AUTS2: variants seen among roughly 807,000 people sequenced by gnomAD.
AUTS2 encodes autism susceptibility gene 2 protein.
In AUTS2, 17 loss-of-function variants were observed where a neutral mutation model predicts 112.4. That is an observed-to-expected ratio of 0.15 (90% CI 0.10 to 0.23). The LOEUF is 0.23. Among genes scored for constraint, AUTS2 ranks in the 10% least tolerant of loss-of-function variants. The pLI, the probability that AUTS2 is intolerant of heterozygous loss-of-function variation, is 1.00. For synonymous variants in AUTS2, 751 were observed against 702.7 expected (o/e 1.07, Z -1.09); for missense variants, 1,510 against 1,701.6 (o/e 0.89, Z 1.98).
intron 3 of AUTS2, among the ~76,000 whole-genome samples, chr7:70,128,069 A>G (rs1380713922): frequency 2.0e-5 from 3 of 152,042 alleles, no homozygotes; most frequent in Non-Finnish European, 4.4e-5. Flanking sequence ...TTATAATTAG[A>G]TTAGGAAATC....
At chr7:69,947,658 A>G (rs534388631) in intron 2 of AUTS2, among the ~76,000 whole-genome samples, 2 of 152,322 alleles carry the variant, frequency 1.3e-5, no homozygotes, top group East Asian at 3.9e-4. Flanking sequence ...CCATGAAACA[A>G]GTTAAAATCA....
At chr7:70,619,598 A>C (rs1018107553) in intron 5 of AUTS2, among the ~76,000 whole-genome samples, 1 of 151,314 alleles carries the variant, frequency 6.6e-6, no homozygotes, top group South Asian at 2.1e-4. Flanking sequence ...GAGAAAATAT[A>C]TTGTATATTT....
At chr7:70,058,312 T>C (rs1802084886) in intron 2 of AUTS2, among the ~76,000 whole-genome samples, 1 of 152,226 alleles carries the variant, frequency 6.6e-6, no homozygotes, top group South Asian at 2.1e-4. Context: ...GTCTGGAGTT[T>C]TGGAAACAAT....
intron 5 of AUTS2, among the ~76,000 whole-genome samples, chr7:70,504,569 G>A (rs190845915): frequency 2.0e-4 from 30 of 152,276 alleles, no homozygotes; most frequent in Admixed American, 9.8e-4. Context: ...GACCGGCACC[G>A]AGGAGCAGTA....
intron 1 of AUTS2, among the ~76,000 whole-genome samples, chr7:69,787,022 T>A (rs1427973929): frequency 6.6e-6 from 1 of 152,222 alleles, no homozygotes; most frequent in Non-Finnish European, 1.5e-5. Context: ...ACTGAAACTC[T>A]GAGGTTAAGG....
intron 4 of AUTS2, among the ~76,000 whole-genome samples, chr7:70,225,750 A>G (rs953325182): frequency 9.2e-5 from 14 of 152,212 alleles, no homozygotes; most frequent in African/African-American, 2.7e-4. Context: ...ATTATTTTAC[A>G]AAAAAAGATT....
chr7:69,625,311 G>C (rs756197895), intron 1 of AUTS2, among the ~76,000 whole-genome samples: 3 of 152,194 alleles, frequency 2.0e-5, no homozygotes, highest in Non-Finnish European at 2.9e-5. Context: ...GTGAAACTTG[G>C]TCCCTTGCGT....
chr7:70,430,329 C>T (rs1795603428), intron 4 of AUTS2, among the ~76,000 whole-genome samples: 1 of 152,190 alleles, frequency 6.6e-6, no homozygotes, highest in Non-Finnish European at 1.5e-5. Context: ...GTTCGCTGCA[C>T]TTCAACAGGG....
intron 4 of AUTS2, among the ~76,000 whole-genome samples, chr7:70,365,582 TGCA>T (rs1792533005): frequency 1.3e-5 from 2 of 152,244 alleles, no homozygotes; most frequent in Admixed American, 1.3e-4. Flanking sequence ...CTCTTAATAA[TGCA>T]GTGTGTACTT....
chr7:69,906,461 C>T (rs1795152258), intron 2 of AUTS2, among the ~76,000 whole-genome samples: 1 of 152,136 alleles, frequency 6.6e-6, no homozygotes. Flanking sequence ...TTGTGATAGC[C>T]ACATGCTGCG....
Position 70,531,571 on chromosome 7 carries a change from G to A in AUTS2, c.690+95790G>A, listed in dbSNP as rs564670118. 5.0e-3 allele frequency among the ~76,000 whole-genome samples: 762 copies of A among 152,202 alleles called. 2 individuals are homozygous for A. The highest frequency in any genetic ancestry group is 9.1e-3 in the Non-Finnish European group (622 of 68,006). ...GCAGGCATGTCATATGGTGAGAGAC[G>A]GAGCAAAAGAAAGGGCTTGGGGGTG... On this transcript the variant is annotated intron_variant, in intron 5 of 18. Coordinates refer to ENST00000342771, the MANE Select transcript of AUTS2 (RefSeq NM_015570.4).
At chr7:70,698,528 A>C (rs750865541) in intron 5 of AUTS2, 41 bp from the exon 6 acceptor site, 15 of 1,528,538 alleles carry the variant, frequency 9.8e-6, no homozygotes, top group Non-Finnish European at 1.8e-6. Flanking sequence ...GACAATATTA[A>C]TGACAATAAT....
At chr7:69,714,520 T>C (rs938838546) in intron 1 of AUTS2, among the ~76,000 whole-genome samples, 1 of 152,156 alleles carries the variant, frequency 6.6e-6, no homozygotes, top group Admixed American at 6.5e-5. Flanking sequence ...TGTCTATATA[T>C]GTGTGATCTA....
intron 1 of AUTS2, among the ~76,000 whole-genome samples, chr7:69,760,007 G>A (rs931980914): frequency 1.3e-5 from 2 of 151,448 alleles, no homozygotes; most frequent in African/African-American, 4.9e-5. Flanking sequence ...TATTTAGATA[G>A]TAAACTGAAA....
chr7:70,133,935 C>T (rs1584771861), intron 3 of AUTS2, among the ~76,000 whole-genome samples: 1 of 152,142 alleles, frequency 6.6e-6, no homozygotes, highest in African/African-American at 2.4e-5. Flanking sequence ...CTTTTCACTG[C>T]TCCTCTTGGC....
chr7:70,353,059 C>T (rs554677377), intron 4 of AUTS2, among the ~76,000 whole-genome samples: 19 of 152,270 alleles, frequency 1.2e-4, no homozygotes, highest in African/African-American at 4.6e-4. Context: ...AACACTTGTC[C>T]CTGAGTCTGT....
chr7:70,691,201 T>C (rs1808735544), intron 5 of AUTS2, among the ~76,000 whole-genome samples: 1 of 152,162 alleles, frequency 6.6e-6, no homozygotes, highest in African/African-American at 2.4e-5. Context: ...AGAGTGGAAA[T>C]TGAGTCCACA....
chr7:69,892,168 G>A (rs562795138), intron 1 of AUTS2, among the ~76,000 whole-genome samples: 2 of 129,604 alleles, frequency 1.5e-5, no homozygotes, highest in African/African-American at 6.0e-5. Context: ...TTAGTTTTGA[G>A]AATTTTTTTT....
At position 70,637,487 on chromosome 7, in the gene AUTS2, TAAG is replaced by T. The variant is rs199742372; in HGVS notation, c.691-61078_691-61076del. On this transcript the variant is annotated intron_variant, in intron 5 of 18. Transcript: ENST00000342771. ...ATAAGTGCTTATTAGATTTGTGAAT[TAAG>T]AAGTTTTAAAATAGCATTCACTGCA... 7.5e-3 allele frequency among the ~76,000 whole-genome samples: 1,138 copies of T among 152,326 alleles called. 18 individuals are homozygous for T. The highest frequency in any genetic ancestry group is 0.025 in the African/African-American group (1,053 of 41,574).
Sources: allele counts gnomAD v4.1 joint callset (sites outside exome capture counted in the v4.1 genomes callset), GRCh38; gene constraint gnomAD v4.1.1; transcripts MANE v1.5; gene names NCBI Gene and HGNC (gene_info 2026-07-23, HGNC 2026-07-21).